EXOC6B: variants seen among roughly 807,000 people sequenced by gnomAD.
EXOC6B encodes SEC15 homolog B.
EXOC6B carries 54 observed loss-of-function variants against 113.5 expected under a neutral mutation model. That is an observed-to-expected ratio of 0.48 (90% confidence interval 0.38 to 0.60). The LOEUF is 0.60. Ranked by LOEUF, EXOC6B falls within the 20% of genes least tolerant of loss-of-function variation. The pLI, the probability that EXOC6B is intolerant of heterozygous loss-of-function variation, is 0.00. For synonymous variants in EXOC6B, 357 were observed against 339.0 expected (o/e 1.05, Z -0.58); for missense variants, 797 against 977.5 (o/e 0.82, Z 2.46).
rs188237884 is a variant in EXOC6B, at chr2:72,221,255, T to G, written c.2197-37068A>C. On this transcript the variant is annotated intron_variant, in intron 20 of 21. Transcript: ENST00000272427. ...ACTTTAAGCCAGGATTGACATTCAG[T>G]TGGTACAACGAGTTTCTACTTGTGA... 2.6e-5 allele frequency among the ~76,000 whole-genome samples: 4 copies of G among 152,352 alleles called. No homozygotes were observed. The East Asian group carries it at 5.8e-4, about 22-fold the overall frequency.
intron 20 of EXOC6B, among the ~76,000 whole-genome samples, chr2:72,305,761 CA>C (rs5832079): frequency 2.0e-5 from 3 of 151,912 alleles, no homozygotes; most frequent in Non-Finnish European, 4.4e-5. Context: ...CTCTAATAAA[CA>C]AAAAATTTCA....
intron 6 of EXOC6B, among the ~76,000 whole-genome samples, chr2:72,585,246 G>C (rs1705482432): frequency 6.6e-6 from 1 of 152,122 alleles, no homozygotes; most frequent in African/African-American, 2.4e-5. Context: ...TAGATTAATA[G>C]ATTATGAGCT....
chr2:72,408,257 G>C (rs1437824686), intron 18 of EXOC6B, among the ~76,000 whole-genome samples: 8 of 152,186 alleles, frequency 5.3e-5, no homozygotes, highest in Non-Finnish European at 1.2e-4. Context: ...TCATGGGTAG[G>C]AAGAATCAAT....
intron 18 of EXOC6B, among the ~76,000 whole-genome samples, chr2:72,442,330 C>A (rs908098301): frequency 6.6e-6 from 1 of 152,046 alleles, no homozygotes; most frequent in Non-Finnish European, 1.5e-5. Context: ...CATTCCCCCC[C>A]GCAAAAAATG....
chr2:72,754,166 TGA>T (rs1484731685), intron 1 of EXOC6B, among the ~76,000 whole-genome samples: 6 of 151,390 alleles, frequency 4.0e-5, no homozygotes, highest in African/African-American at 1.2e-4. Flanking sequence ...GGATTACAGG[TGA>T]GAGTCACCAT....
chr2:72,431,688 T>G (rs944080575), intron 18 of EXOC6B, among the ~76,000 whole-genome samples: 1 of 152,160 alleles, frequency 6.6e-6, no homozygotes, highest in East Asian at 1.9e-4. Context: ...GGGATACATA[T>G]GCAGAATGTA....
chr2:72,429,240 A>T (rs1458857352), intron 18 of EXOC6B, among the ~76,000 whole-genome samples: 1 of 152,238 alleles, frequency 6.6e-6, no homozygotes, highest in East Asian at 1.9e-4. Context: ...CAATGGACTA[A>T]CCTCACCATT....
At chr2:72,305,350 A>G (rs936889076) in intron 20 of EXOC6B, among the ~76,000 whole-genome samples, 1 of 151,418 alleles carries the variant, frequency 6.6e-6, no homozygotes, top group Non-Finnish European at 1.5e-5. Flanking sequence ...ATGTATATGT[A>G]TATGTATATG....
At chr2:72,615,778 A>C (rs1450825441) in intron 6 of EXOC6B, among the ~76,000 whole-genome samples, 1 of 152,140 alleles carries the variant, frequency 6.6e-6, no homozygotes, top group East Asian at 1.9e-4. Flanking sequence ...GTTAACTGTA[A>C]AGCAGCCTCA....
intron 20 of EXOC6B, among the ~76,000 whole-genome samples, chr2:72,236,456 C>T (rs987888128): frequency 4.6e-5 from 7 of 152,122 alleles, no homozygotes; most frequent in African/African-American, 7.2e-5. Flanking sequence ...TTTCCAAAAT[C>T]GCCAAATATT....
intron 19 of EXOC6B, among the ~76,000 whole-genome samples, chr2:72,372,317 A>G (rs1691076969): frequency 6.6e-6 from 1 of 152,206 alleles, no homozygotes; most frequent in East Asian, 1.9e-4. Context: ...AGAAAAAACA[A>G]TCAGAAAATT....
chr2:72,608,879 A>G (rs949047739), intron 6 of EXOC6B, among the ~76,000 whole-genome samples: 1 of 152,078 alleles, frequency 6.6e-6, no homozygotes, highest in African/African-American at 2.4e-5. Flanking sequence ...CACTAGGGAC[A>G]GATATCAAAT....
intron 8 of EXOC6B, among the ~76,000 whole-genome samples, chr2:72,534,455 GTTAAAAC>G (rs2105766643): frequency 6.6e-6 from 1 of 152,158 alleles, no homozygotes; most frequent in Non-Finnish European, 1.5e-5. Context: ...AAGGCATACA[GTTAAAAC>G]TTAAGATGAT....
At chr2:72,664,159 A>T (rs1043568572) in intron 6 of EXOC6B, among the ~76,000 whole-genome samples, 2 of 152,172 alleles carry the variant, frequency 1.3e-5, no homozygotes, top group Non-Finnish European at 1.5e-5. Flanking sequence ...TAATTTTTTT[A>T]AATTAGCCAG....
chr2:72,807,429 T>C (rs1685638526), intron 1 of EXOC6B, among the ~76,000 whole-genome samples: 2 of 152,170 alleles, frequency 1.3e-5, no homozygotes, highest in South Asian at 2.1e-4. Context: ...TGAATCCCTG[T>C]AGTATAGTTT....
chr2:72,651,789 G>T (rs1415208728), intron 6 of EXOC6B, among the ~76,000 whole-genome samples: 1 of 152,090 alleles, frequency 6.6e-6, no homozygotes, highest in Non-Finnish European at 1.5e-5. Context: ...TAGAGACGGG[G>T]TTTCACTGTG....
chr2:72,388,672 T>C (rs1425360993), intron 18 of EXOC6B, among the ~76,000 whole-genome samples: 1 of 152,172 alleles, frequency 6.6e-6, no homozygotes, highest in African/African-American at 2.4e-5. Context: ...GCAGCTGCAA[T>C]TATGAATTTG....
intron 20 of EXOC6B, among the ~76,000 whole-genome samples, chr2:72,250,326 C>T (rs1267960128): frequency 6.6e-6 from 1 of 152,030 alleles, no homozygotes; most frequent in Non-Finnish European, 1.5e-5. Context: ...TAGACAGGAA[C>T]ATATTTTTTA....
At chr2:72,188,032 TGGGTGGCTGCAGCTGTGCTGG>T (rs528270858) in intron 20 of EXOC6B, among the ~76,000 whole-genome samples, 1 of 152,198 alleles carries the variant, frequency 6.6e-6, no homozygotes, top group East Asian at 1.9e-4. Flanking sequence ...AGCCACAGTT[TGGGTGGCTGCAGCTGTGCTGG>T]GGGTGGAGGA....
Sources: gnomAD v4.1 joint callset for allele counts (sites outside exome capture counted in the v4.1 genomes callset) on GRCh38, gnomAD v4.1.1 for gene constraint, MANE v1.5 for transcripts, NCBI Gene and HGNC (gene_info 2026-07-23, HGNC 2026-07-21) for gene names.